The following CADPS2 variants were observed in gnomAD, a reference collection of about 807,000 sequenced individuals.
CADPS2 encodes calcium dependent secretion activator 2.
In CADPS2, 93 loss-of-function variants were observed where a neutral mutation model predicts 172.5. That is an observed-to-expected ratio of 0.54 (90% CI 0.46 to 0.64). The LOEUF is 0.64. Among genes scored for constraint, CADPS2 ranks in the 30% least tolerant of loss-of-function variants. The pLI, the probability that CADPS2 is intolerant of heterozygous loss-of-function variation, is 0.00. For missense variants in CADPS2, 1,420 were observed against 1,565.9 expected (o/e 0.91, Z 1.57); for synonymous variants, 546 against 555.2 (o/e 0.98, Z 0.23).
chr7:122,594,778 T>C (rs2071482437), intron 6 of CADPS2, among the ~76,000 whole-genome samples: 1 of 151,722 alleles, frequency 6.6e-6, no homozygotes, highest in African/African-American at 2.4e-5. Context: ...CATCTTGGCT[T>C]ACAATTTTAC....
At chr7:122,752,953 T>C (rs563098626) in intron 1 of CADPS2, among the ~76,000 whole-genome samples, 2 of 152,146 alleles carry the variant, frequency 1.3e-5, no homozygotes, top group East Asian at 1.9e-4. Flanking sequence ...AAGAAGAAGA[T>C]GGAGAATAAA....
At chr7:122,645,363 A>G (rs1334773127) in intron 3 of CADPS2, among the ~76,000 whole-genome samples, 2 of 106,016 alleles carry the variant, frequency 1.9e-5, no homozygotes, top group East Asian at 2.3e-4. Flanking sequence ...GTATACATGT[A>G]CATGTATACA....
chr7:122,752,730 A>T lies in CADPS2; in HGVS notation c.340-15662T>A, dbSNP rs539797734. On this transcript the variant is annotated intron_variant, in intron 1 of 29. Transcript: ENST00000449022. The stretch of plus-strand genomic sequence containing the variant: ...GTCTTCAGAACTCTTTCCCTGTGAA[A>T]CTTCCTACAACAGGTTAATATATAA... 1.4e-3 allele frequency among the ~76,000 whole-genome samples: 209 copies of T among 152,250 alleles called. 1 individual carries two copies. Among genetic ancestry groups the T allele is most frequent in the African/African-American group, 4.6e-3 (192 of 41,566 alleles).
intron 1 of CADPS2, among the ~76,000 whole-genome samples, chr7:122,786,118 T>C (rs1282348335): frequency 6.6e-6 from 1 of 152,212 alleles, no homozygotes; most frequent in Non-Finnish European, 1.5e-5. Flanking sequence ...GTCTCGTCTA[T>C]TTCATATAAC....
chr7:122,462,057 A>G (rs2054514398), intron 14 of CADPS2, among the ~76,000 whole-genome samples: 1 of 152,374 alleles, frequency 6.6e-6, no homozygotes, highest in African/African-American at 2.4e-5. Context: ...TTCACAGTGT[A>G]TAAGAGTCCA....
chr7:122,490,160 T>G lies in CADPS2; in HGVS notation c.1773A>C (p.Gln591His), dbSNP rs2058159399. The G allele has an allele frequency of 6.2e-7, 1 of 1,613,446 alleles. No homozygotes were observed. The highest frequency in any genetic ancestry group is 8.5e-7 in the Non-Finnish European group (1 of 1,179,616). The change falls in exon 11 of 30, where the codon CAA (glutamine) becomes CAC (histidine). Residue 591 changes from glutamine to histidine, a missense_variant. Coordinates refer to ENST00000449022, the MANE Select transcript of CADPS2 (RefSeq NM_017954.11). ...GAATTGCAGGAACTGGTTTATATGATTGACCTGTGGCCCTATACATGGCTT... is the reference window on the plus strand; with the variant it reads ...GAATTGCAGGAACTGGTTTATATGAGTGACCTGTGGCCCTATACATGGCTT... ...WVQAMYRATG[Q>H]SYKPVPAIQT...
chr7:122,467,450 G>A (rs1000834867), intron 14 of CADPS2, among the ~76,000 whole-genome samples: 2 of 152,116 alleles, frequency 1.3e-5, no homozygotes, highest in Non-Finnish European at 2.9e-5. Context: ...TGAAGACAGA[G>A]GTATTATGAT....
chr7:122,860,540 A>AT (rs202023339), intron 1 of CADPS2, among the ~76,000 whole-genome samples: 1,918 of 151,998 alleles, frequency 0.013, 18 homozygotes, highest in South Asian at 0.021. Context: ...GCCATAATAT[A>AT]TTTTTTTTAA....
intron 16 of CADPS2, 110 bp downstream of exon 16, chr7:122,441,402 G>C (rs996962925): frequency 1.7e-6 from 1 of 573,916 alleles, no homozygotes; most frequent in African/African-American, 1.9e-5. Flanking sequence ...GACTTGTGAT[G>C]GAATCAGTAG....
chr7:122,560,393 T>C (rs1486029423), intron 7 of CADPS2, among the ~76,000 whole-genome samples: 3 of 152,184 alleles, frequency 2.0e-5, no homozygotes, highest in Admixed American at 6.5e-5. Flanking sequence ...AGTAAAACAA[T>C]GTTTACAAAC....
At chr7:122,545,276 CATT>C (rs2063507253) in intron 8 of CADPS2, among the ~76,000 whole-genome samples, 1 of 152,132 alleles carries the variant, frequency 6.6e-6, no homozygotes, top group Non-Finnish European at 1.5e-5. Flanking sequence ...TCTGAGGAAA[CATT>C]AGTTACACAG....
At chr7:122,827,737 G>A (rs746103084) in intron 1 of CADPS2, among the ~76,000 whole-genome samples, 2 of 151,822 alleles carry the variant, frequency 1.3e-5, no homozygotes, top group African/African-American at 2.4e-5. Context: ...TTTTATGAAG[G>A]TGGCATTATC....
At chr7:122,550,106 C>A (rs539057886) in intron 8 of CADPS2, among the ~76,000 whole-genome samples, 1 of 152,278 alleles carries the variant, frequency 6.6e-6, no homozygotes, top group South Asian at 2.1e-4. Context: ...CCTCTGGATG[C>A]CCAGCTGGCC....
intron 1 of CADPS2, among the ~76,000 whole-genome samples, chr7:122,878,402 C>T (rs1821871340): frequency 6.7e-6 from 1 of 149,942 alleles, no homozygotes; most frequent in Admixed American, 6.6e-5. Flanking sequence ...CCTGTAATCC[C>T]AGCACTTTGG....
chr7:122,386,943 T>G, intron 24 of CADPS2, 83 bp downstream of exon 24: 1 of 1,416,410 alleles, frequency 7.1e-7, no homozygotes, highest in Admixed American at 2.4e-5. Flanking sequence ...TTCAATCCAA[T>G]CAAGAGAATG....
intron 14 of CADPS2, among the ~76,000 whole-genome samples, chr7:122,463,962 A>G (rs2054802864): frequency 6.6e-6 from 1 of 152,204 alleles, no homozygotes; most frequent in Admixed American, 6.5e-5. Flanking sequence ...TTTAGTACAC[A>G]TCATATATCA....
At chr7:122,645,288 T>C (rs1489011105) in intron 3 of CADPS2, among the ~76,000 whole-genome samples, 1 of 140,982 alleles carries the variant, frequency 7.1e-6, no homozygotes, top group East Asian at 2.1e-4. Context: ...CACACATATG[T>C]ACATATATAC....
At chr7:122,344,551 C>T (rs571872200) in intron 28 of CADPS2, among the ~76,000 whole-genome samples, 1 of 152,224 alleles carries the variant, frequency 6.6e-6, no homozygotes, top group South Asian at 2.1e-4. Flanking sequence ...AACTGTAATA[C>T]TGCATATTTT....
intron 20 of CADPS2, among the ~76,000 whole-genome samples, chr7:122,394,964 A>G (rs549201594): frequency 2.8e-4 from 43 of 152,346 alleles, no homozygotes; most frequent in African/African-American, 1.0e-3. Context: ...AAGCTGGGGA[A>G]AAGTTAGTAA....
Sources: gnomAD v4.1 joint callset for allele counts (sites outside exome capture counted in the v4.1 genomes callset) on GRCh38, gnomAD v4.1.1 for gene constraint, MANE v1.5 for transcripts, NCBI Gene and HGNC (gene_info 2026-07-23, HGNC 2026-07-21) for gene names.